PDE4B: variants seen among roughly 807,000 people sequenced by gnomAD.
PDE4B encodes the protein phosphodiesterase 4B, also known as 3',5'-cyclic-AMP phosphodiesterase 4B.
Under a neutral mutation model 82.2 loss-of-function variants are expected in PDE4B, and 20 were observed. The observed-to-expected ratio is 0.24, with a 90% confidence interval of 0.17 to 0.35. The LOEUF (loss-of-function observed/expected upper bound fraction) is 0.35. Among genes scored for constraint, PDE4B ranks in the 10% least tolerant of loss-of-function variants. The pLI is 1.00. For synonymous variants in PDE4B, 320 were observed against 318.9 expected (o/e 1.00, Z -0.04); for missense variants, 655 against 907.2 (o/e 0.72, Z 3.57).
At chr1:66,204,868 C>A (rs1649414022) in intron 3 of PDE4B, among the ~76,000 whole-genome samples, 1 of 152,228 alleles carries the variant, frequency 6.6e-6, no homozygotes, top group South Asian at 2.1e-4. Flanking sequence ...CACCCACTGT[C>A]TGGCACTCCC....
intron 8 of PDE4B, among the ~76,000 whole-genome samples, chr1:66,338,869 A>T (rs535236841): frequency 4.0e-4 from 60 of 151,656 alleles, no homozygotes; most frequent in Admixed American, 8.5e-4. Flanking sequence ...ATACAAAAAA[A>T]TTAGCCGGGC....
intron 3 of PDE4B, among the ~76,000 whole-genome samples, chr1:66,131,742 A>C (rs1163262628): frequency 6.6e-6 from 1 of 151,180 alleles, no homozygotes; most frequent in Non-Finnish European, 1.5e-5. Flanking sequence ...TGTACCAGAC[A>C]GTGTTCTAAG....
At position 66,076,055 on chromosome 1, in the gene PDE4B, C is replaced by T. The variant is rs1265694181; in HGVS notation, c.281+157220C>T. 2.6e-5 allele frequency among the ~76,000 whole-genome samples: 4 copies of T among 151,090 alleles called. No individual in the cohort carries two copies. In the Admixed American group the frequency reaches 2.6e-4, roughly 10 times the overall value. On this transcript the variant is annotated intron_variant, in intron 3 of 16. Transcript: ENST00000341517. ...TTTCTTCTAACTTTTGTTATAGGTT[C>T]AGATGGTACATGTGCAAGTTTGTTA... is the stretch of plus-strand genomic sequence containing the variant.
chr1:65,828,111 C>A (rs561588968), intron 1 of PDE4B, among the ~76,000 whole-genome samples: 5 of 151,680 alleles, frequency 3.3e-5, no homozygotes, highest in Non-Finnish European at 7.4e-5. Flanking sequence ...GCTATCAAAT[C>A]GAATCTAGGA....
At chr1:65,812,864 TA>T (rs1645835352) in intron 1 of PDE4B, among the ~76,000 whole-genome samples, 1 of 152,182 alleles carries the variant, frequency 6.6e-6, no homozygotes, top group Admixed American at 6.5e-5. Flanking sequence ...AATTATTCTC[TA>T]GCTTCTTTAT....
At chr1:65,851,585 G>A (rs968320025) in intron 1 of PDE4B, among the ~76,000 whole-genome samples, 3 of 151,942 alleles carry the variant, frequency 2.0e-5, no homozygotes, top group African/African-American at 7.2e-5. Flanking sequence ...GGTTTATGAT[G>A]CTATTTTAAA....
chr1:65,940,419 G>A (rs904107344), intron 3 of PDE4B, among the ~76,000 whole-genome samples: 1 of 152,088 alleles, frequency 6.6e-6, no homozygotes, highest in African/African-American at 2.4e-5. Context: ...GCAAGGGGAA[G>A]CCATTGTACA....
chr1:66,336,104 C>G (rs546328163), intron 8 of PDE4B, among the ~76,000 whole-genome samples: 3 of 152,340 alleles, frequency 2.0e-5, no homozygotes, highest in East Asian at 3.9e-4. Context: ...TAAACAGTGA[C>G]CTATCTTCCT....
rs80057262 is a variant in PDE4B, at chr1:65,964,798, C to T, written c.281+45963C>T. On this transcript the variant is annotated intron_variant, in intron 3 of 16. Transcript: ENST00000341517. Reference sequence around the variant, plus strand: ...TATTGCTAAGTGGTGAATTCAGCTACAAAACACTATAATAACAATTTTTGC... The same window carrying T: ...TATTGCTAAGTGGTGAATTCAGCTATAAAACACTATAATAACAATTTTTGC... 7.2e-4 allele frequency among the ~76,000 whole-genome samples: 110 copies of T among 152,116 alleles called. 2 individuals are homozygous for T. The highest frequency in any genetic ancestry group is 6.0e-3 in the East Asian group (31 of 5,176).
chr1:65,985,740 AG>A (rs1650923852), intron 3 of PDE4B, among the ~76,000 whole-genome samples: 2 of 152,088 alleles, frequency 1.3e-5, no homozygotes. Flanking sequence ...GAAGAAAGAG[AG>A]GAACTCCCTT....
intron 3 of PDE4B, among the ~76,000 whole-genome samples, chr1:66,119,672 A>G (rs1408063373): frequency 2.6e-5 from 4 of 152,142 alleles, no homozygotes; most frequent in Non-Finnish European, 5.9e-5. Flanking sequence ...GATTGTGGAC[A>G]TTGTCACTGT....
At chr1:66,216,966 A>G (rs1040670563) in intron 3 of PDE4B, among the ~76,000 whole-genome samples, 10 of 152,142 alleles carry the variant, frequency 6.6e-5, no homozygotes, top group Non-Finnish European at 1.2e-4. Flanking sequence ...CCTGTTATAA[A>G]TTCCCTTGCA....
chr1:66,058,481 C>A (rs1655417884), intron 3 of PDE4B, among the ~76,000 whole-genome samples: 1 of 152,268 alleles, frequency 6.6e-6, no homozygotes. Context: ...ACTGGCCTAG[C>A]AGAGGTTCTC....
intron 3 of PDE4B, among the ~76,000 whole-genome samples, chr1:66,126,451 A>T (rs370568350): frequency 5.3e-5 from 8 of 152,316 alleles, no homozygotes; most frequent in African/African-American, 1.9e-4. Flanking sequence ...TTGGTCCATG[A>T]TGCCATTAAC....
chr1:66,367,510 T>A (rs917771957), intron 13 of PDE4B, 186 bp from the exon 14 acceptor site: 1 of 522,054 alleles, frequency 1.9e-6, no homozygotes, highest in East Asian at 3.1e-5. Flanking sequence ...AGTAGAAGCA[T>A]TTTTTGCTTA....
At chr1:66,226,260 C>T (rs746676274) in intron 3 of PDE4B, among the ~76,000 whole-genome samples, 8 of 150,888 alleles carry the variant, frequency 5.3e-5, no homozygotes, top group Non-Finnish European at 1.2e-4. Context: ...TTCTACAGGT[C>T]AGGCACTGTA....
chr1:65,990,639 G>T (rs1009861613), intron 3 of PDE4B, among the ~76,000 whole-genome samples: 1 of 152,070 alleles, frequency 6.6e-6, no homozygotes, highest in Non-Finnish European at 1.5e-5. Context: ...ATTAAAACAT[G>T]CATTAGAGCC....
chr1:66,078,209 T>G (rs1032507895), intron 3 of PDE4B, among the ~76,000 whole-genome samples: 21 of 151,772 alleles, frequency 1.4e-4, no homozygotes, highest in Admixed American at 6.6e-5. Context: ...TTCTTTTTTT[T>G]TTTTCAAGAT....
chr1:65,865,989 A>G (rs1049103935), intron 1 of PDE4B, among the ~76,000 whole-genome samples: 5 of 152,296 alleles, frequency 3.3e-5, no homozygotes, highest in African/African-American at 9.6e-5. Flanking sequence ...TAAACTTTCT[A>G]TAAGTAGGCT....
Sources: gnomAD v4.1 joint callset for allele counts (sites outside exome capture counted in the v4.1 genomes callset) on GRCh38, gnomAD v4.1.1 for gene constraint, MANE v1.5 for transcripts, NCBI Gene and HGNC (gene_info 2026-07-23, HGNC 2026-07-21) for gene names.